The following ALKBH8 variants were observed in gnomAD, a reference collection of about 807,000 sequenced individuals.
ALKBH8 encodes alkB homolog 8, tRNA methyltransferase, also known as tRNA (carboxymethyluridine(34)-5-O)-methyltransferase ALKBH8.
In ALKBH8, 36 loss-of-function variants were observed where a neutral mutation model predicts 59.8. The observed-to-expected ratio is 0.60, with a 90% CI of 0.46 to 0.79. The LOEUF is 0.79. Among genes scored for constraint, ALKBH8 ranks in the 30% least tolerant of loss-of-function variants. The pLI, the probability that ALKBH8 is intolerant of heterozygous loss-of-function variation, is 0.00. For synonymous variants in ALKBH8, 276 were observed against 273.6 expected (o/e 1.01, Z -0.09); for missense variants, 768 against 801.0 (o/e 0.96, Z 0.50).
chr11:107,534,397 A>G (rs1428865819), intron 7 of ALKBH8, among the ~76,000 whole-genome samples: 1 of 152,170 alleles, frequency 6.6e-6, no homozygotes, highest in Non-Finnish European at 1.5e-5. Context: ...TTGTTAGACA[A>G]ATTTTATTAA....
chr11:107,527,609 C>T (rs1863407758), intron 8 of ALKBH8, among the ~76,000 whole-genome samples: 1 of 151,870 alleles, frequency 6.6e-6, no homozygotes, highest in African/African-American at 2.4e-5. Context: ...ATTTATGAGT[C>T]TTGATGCTAT....
chr11:107,562,084 G>C (rs974046516), intron 1 of ALKBH8, among the ~76,000 whole-genome samples: 1 of 152,082 alleles, frequency 6.6e-6, no homozygotes, highest in African/African-American at 2.4e-5. Context: ...GATCACTTGA[G>C]GTCAGGAGTT....
intron 7 of ALKBH8, among the ~76,000 whole-genome samples, chr11:107,534,987 T>C (rs1411326334): frequency 1.3e-5 from 2 of 152,236 alleles, no homozygotes; most frequent in African/African-American, 2.4e-5. Context: ...CTCCCACTTA[T>C]GAGTGAGAAC....
intron 3 of ALKBH8, among the ~76,000 whole-genome samples, chr11:107,555,270 A>T (rs12289019): frequency 0.021 from 3,114 of 151,846 alleles, 110 homozygotes; most frequent in African/African-American, 0.068. Context: ...AAAAAAAAAT[A>T]AAAAAAACTA....
At chr11:107,552,046 A>G (rs1201823691) in intron 5 of ALKBH8, 134 bp from the exon 6 acceptor site, 4 of 384,482 alleles carry the variant, frequency 1.0e-5, no homozygotes, top group African/African-American at 8.4e-5. Flanking sequence ...TAAACCCACA[A>G]GCAAAACAAA....
Position 107,565,717 on chromosome 11 carries a change from G to A in ALKBH8, c.-123C>T, listed in dbSNP as rs1047057709. ...CTTGCACGCCATCTCCCCTGGGCGC[G>A]GCCATGTTGGAGAAAACTGCACTAC... On this transcript the variant is annotated 5_prime_UTR_variant, in exon 1 of 12. Coordinates refer to ENST00000428149, the MANE Select transcript of ALKBH8 (RefSeq NM_138775.3). 1.3e-5 allele frequency: 20 copies of A among 1,522,802 alleles called. No homozygotes were observed. In the East Asian group the frequency reaches 4.2e-4, roughly 32 times the overall value. The allele number at this position is 1,522,802 out of a possible 1,614,324, so 94.3% of individuals were successfully genotyped here.
intron 7 of ALKBH8, among the ~76,000 whole-genome samples, chr11:107,540,698 A>G (rs1271838847): frequency 1.3e-5 from 2 of 152,216 alleles, no homozygotes; most frequent in Non-Finnish European, 2.9e-5. Context: ...ATTTGTTTGC[A>G]GGAACTATGA....
intron 6 of ALKBH8, among the ~76,000 whole-genome samples, chr11:107,550,531 T>A (rs1344793301): frequency 6.6e-6 from 1 of 152,088 alleles, no homozygotes; most frequent in East Asian, 1.9e-4. Context: ...TCTTTAAGAG[T>A]GGCCCCGGCC....
intron 7 of ALKBH8, among the ~76,000 whole-genome samples, chr11:107,545,440 G>A (rs1864209376): frequency 6.6e-6 from 1 of 152,172 alleles, no homozygotes; most frequent in South Asian, 2.1e-4. Context: ...AGTACCCTAT[G>A]ACTCAACATA....
rs76470046 is a variant in ALKBH8, at chr11:107,556,573, T to C, written c.367+193A>G. ...CTTTGTAAAGGCAGGTTGTATCTTA[T>C]TCACCTCTGTACTGTCAACTACTTG... On this transcript the variant is annotated intron_variant, in intron 3 of 11. Coordinates refer to ENST00000428149, the MANE Select transcript of ALKBH8 (RefSeq NM_138775.3). Among the ~76,000 whole-genome samples the C allele has an allele frequency of 0.031, 4,779 of 152,284 alleles. 107 individuals carry two copies. Among genetic ancestry groups the C allele is most frequent in the Non-Finnish European group, 0.053 (3,580 of 68,028 alleles).
At chr11:107,510,222 G>A (rs1862565263) in intron 11 of ALKBH8, among the ~76,000 whole-genome samples, 1 of 152,154 alleles carries the variant, frequency 6.6e-6, no homozygotes, top group East Asian at 1.9e-4. Context: ...GACCCATAAG[G>A]TGAGCTATAA....
At chr11:107,530,575 C>A (rs1054457576) in intron 8 of ALKBH8, among the ~76,000 whole-genome samples, 4 of 148,526 alleles carry the variant, frequency 2.7e-5, no homozygotes, top group African/African-American at 1.0e-4. Flanking sequence ...CTCTCTCCCC[C>A]ATTTCCCCAT....
In ALKBH8 at chr11:107,510,981, T is replaced by G; in HGVS notation, c.1343A>C (p.Gln448Pro). 6.4e-7 allele frequency: 1 copy of G among 1,551,946 alleles called. No homozygotes were observed. Among genetic ancestry groups the G allele is most frequent in the East Asian group, 2.4e-5 (1 of 40,916 alleles). Residue 448 changes from glutamine (Q) to proline (P), a missense_variant, in exon 11 of 12, where the codon CAG becomes CCG. By Grantham distance (76) the Gln-to-Pro change is moderately conservative. Coordinates refer to ENST00000428149, the MANE Select transcript of ALKBH8 (RefSeq NM_138775.3). ...LVDICRERQF[Q>P]AFVCDALAVP... ...TGCCAATGCATCACAGACAAAAGCC[T>G]GAAATTGCCTCTCTCTACAAATGTC...
chr11:107,543,662 TATTTA>T (rs1454214453), intron 7 of ALKBH8, among the ~76,000 whole-genome samples: 2 of 152,060 alleles, frequency 1.3e-5, no homozygotes, highest in Admixed American at 6.5e-5. Context: ...GTAATTATTT[TATTTA>T]ATTTAATATT....
At chr11:107,551,528 T>C (rs778540824) in intron 6 of ALKBH8, among the ~76,000 whole-genome samples, 2 of 151,744 alleles carry the variant, frequency 1.3e-5, no homozygotes, top group African/African-American at 2.4e-5. Context: ...ACCCCATCTC[T>C]ACAAAAATAC....
At chr11:107,523,602 CTTTT>C (rs58698577) in intron 9 of ALKBH8, among the ~76,000 whole-genome samples, 17 of 97,052 alleles carry the variant, frequency 1.8e-4, no homozygotes, top group East Asian at 1.3e-3. Flanking sequence ...AGAATAAATT[CTTTT>C]TTTTTTTTTT....
intron 10 of ALKBH8, among the ~76,000 whole-genome samples, chr11:107,513,072 C>T (rs1305077577): frequency 6.6e-6 from 1 of 152,208 alleles, no homozygotes; most frequent in African/African-American, 2.4e-5. Flanking sequence ...AACTAAAGAG[C>T]TTCTGCACGG....
rs1565320059 is a variant in ALKBH8, at chr11:107,520,737, T to TATATG, written c.1287+1557_1287+1561dup. ...AATTTAATTGTAAACATGGTAACAATATATGAATATCAATGTCTTATCTTG... is the reference window on the plus strand; with the variant it reads ...AATTTAATTGTAAACATGGTAACAATATATGATATGAATATCAATGTCTTATCTTG... On this transcript the variant is annotated intron_variant, in intron 10 of 11. Transcript: ENST00000428149. Among the ~76,000 whole-genome samples the TATATG allele has an allele frequency of 2.0e-5, 3 of 152,320 alleles. No individual in the cohort carries two copies. The East Asian group carries it at 5.8e-4, about 29-fold the overall frequency.
In ALKBH8 at chr11:107,565,618, C is replaced by A; in HGVS notation, c.-24G>T. 1.3e-6 allele frequency: 2 copies of A among 1,535,742 alleles called. No individual in the cohort carries two copies. Among genetic ancestry groups the A allele is most frequent in the Non-Finnish European group, 1.7e-6 (2 of 1,146,914 alleles). On this transcript the variant is annotated 5_prime_UTR_variant, in exon 1 of 12. Coordinates refer to ENST00000428149, the MANE Select transcript of ALKBH8 (RefSeq NM_138775.3). Reference sequence around the variant, plus strand: ...CCACACACCTCCGCTTCGGCTCAGGCCGGATTCTCACCATGCGTGTGCCTT... The same window carrying A: ...CCACACACCTCCGCTTCGGCTCAGGACGGATTCTCACCATGCGTGTGCCTT...
Sources: allele counts gnomAD v4.1 joint callset (sites outside exome capture counted in the v4.1 genomes callset), GRCh38; gene constraint gnomAD v4.1.1; transcripts MANE v1.5; gene names NCBI Gene and HGNC (gene_info 2026-07-23, HGNC 2026-07-21).